SHISA6: variants seen among roughly 807,000 people sequenced by gnomAD.
The protein encoded by SHISA6 is shisa family member 6.
A neutral mutation model predicts 47.9 loss-of-function variants in SHISA6; 22 were observed. The ratio of observed to expected loss-of-function variants is 0.46; its 90% confidence interval spans 0.33 to 0.66. The LOEUF (loss-of-function observed/expected upper bound fraction) is 0.66, where lower values mean the gene tolerates loss of function less well. Ranked by LOEUF, SHISA6 falls within the 30% of genes least tolerant of loss-of-function variation. SHISA6 has a pLI of 0.02. For missense variants in SHISA6, 680 were observed against 764.6 expected, an observed-to-expected ratio of 0.89 and a Z score of 1.30; for synonymous variants, 388 against 337.8, an observed-to-expected ratio of 1.15 and a Z score of -1.63.
At chr17:11,264,370 A>G (rs1558219) in intron 2 of SHISA6, among the ~76,000 whole-genome samples, 106,588 of 152,172 alleles carry the variant, frequency 0.7, 44,020 homozygotes, top group South Asian at 0.9. Flanking sequence ...CCAAGGTCAC[A>G]TGATTAGTAA....
intron 2 of SHISA6, among the ~76,000 whole-genome samples, chr17:11,273,680 C>G (rs998761553): frequency 6.6e-6 from 1 of 152,116 alleles, no homozygotes; most frequent in African/African-American, 2.4e-5. Flanking sequence ...TAGGCAGTGT[C>G]CCCCTCCCAG....
chr17:11,378,452 G>A (rs924706544), intron 2 of SHISA6, among the ~76,000 whole-genome samples: 14 of 152,136 alleles, frequency 9.2e-5, no homozygotes, highest in African/African-American at 3.4e-4. Flanking sequence ...AAGTAGGCCT[G>A]TGCATTGTTA....
intron 3 of SHISA6, among the ~76,000 whole-genome samples, chr17:11,408,399 A>G (rs1021017168): frequency 2.6e-5 from 4 of 152,210 alleles, no homozygotes; most frequent in African/African-American, 9.6e-5. Context: ...GGGTGGGATC[A>G]GCAGTGTGTG....
chr17:11,347,787 G>T (rs925684227), intron 2 of SHISA6, among the ~76,000 whole-genome samples: 5 of 152,202 alleles, frequency 3.3e-5, no homozygotes, highest in Non-Finnish European at 7.3e-5. Context: ...ATCTAGGGGT[G>T]AGAGTGGTGC....
intron 3 of SHISA6, among the ~76,000 whole-genome samples, chr17:11,495,989 C>CCGTT (rs922941281): frequency 7.4e-6 from 1 of 135,604 alleles, no homozygotes; most frequent in Admixed American, 7.7e-5. Context: ...TTCTATTTAT[C>CCGTT]CATTCATCCA....
In SHISA6 at chr17:11,378,605, T is replaced by C. The variant is rs1169955463; in HGVS notation, c.800-809T>C. 2.6e-5 allele frequency among the ~76,000 whole-genome samples: 4 copies of C among 152,338 alleles called. No individual in the cohort carries two copies. The East Asian group carries it at 5.8e-4, about 22-fold the overall frequency. On this transcript the variant is annotated intron_variant, in intron 2 of 5. Coordinates refer to ENST00000441885, the MANE Select transcript of SHISA6 (RefSeq NM_207386.4). Reference sequence around the variant, plus strand: ...ATTTCAAGCGTACTGCAAAATCCTATTTTGAATGTCAGAAGTAGAACATTA... The same window carrying C: ...ATTTCAAGCGTACTGCAAAATCCTACTTTGAATGTCAGAAGTAGAACATTA...
intron 3 of SHISA6, among the ~76,000 whole-genome samples, chr17:11,521,116 T>G (rs2071625875): frequency 6.6e-6 from 1 of 152,194 alleles, no homozygotes; most frequent in Admixed American, 6.5e-5. Context: ...TCTGGTCATG[T>G]TCTAGAAATT....
At chr17:11,466,520 T>C (rs722117) in intron 3 of SHISA6, among the ~76,000 whole-genome samples, 40,397 of 152,010 alleles carry the variant, frequency 0.27, 5,545 homozygotes, top group Middle Eastern at 0.37. Context: ...TCCTCAGGGC[T>C]TACTGTTCAG....
At chr17:11,506,378 A>T (rs767756897) in intron 3 of SHISA6, among the ~76,000 whole-genome samples, 17 of 152,176 alleles carry the variant, frequency 1.1e-4, no homozygotes, top group Non-Finnish European at 2.4e-4. Flanking sequence ...TTTTCAATCC[A>T]GGTTGAATGA....
chr17:11,404,369 G>A (rs1221020122), intron 3 of SHISA6, among the ~76,000 whole-genome samples: 1 of 152,174 alleles, frequency 6.6e-6, no homozygotes, highest in African/African-American at 2.4e-5. Flanking sequence ...GGAGTGAGGG[G>A]GGAGACAGTC....
At chr17:11,299,873 C>T (rs544625226) in intron 2 of SHISA6, among the ~76,000 whole-genome samples, 73 of 152,036 alleles carry the variant, frequency 4.8e-4, no homozygotes, top group Non-Finnish European at 8.4e-4. Flanking sequence ...AGGTCAGGTG[C>T]GGTGGCTCAC....
chr17:11,538,685 A>G (rs1200247127), intron 3 of SHISA6, among the ~76,000 whole-genome samples: 3 of 152,150 alleles, frequency 2.0e-5, no homozygotes, highest in African/African-American at 4.8e-5. Context: ...TATGGGGTGG[A>G]ACGAAGGCCC....
At chr17:11,395,807 C>T (rs1001047558) in intron 3 of SHISA6, among the ~76,000 whole-genome samples, 14 of 152,120 alleles carry the variant, frequency 9.2e-5, no homozygotes, top group South Asian at 4.1e-4. Flanking sequence ...CCTGAACCAC[C>T]GTGCCCGGCC....
intron 2 of SHISA6, among the ~76,000 whole-genome samples, chr17:11,303,104 C>T (rs1163638250): frequency 6.6e-6 from 1 of 152,152 alleles, no homozygotes; most frequent in African/African-American, 2.4e-5. Flanking sequence ...TTGTGTGATA[C>T]ATACACAATT....
In SHISA6 at chr17:11,420,659, G is replaced by A. The variant is rs997452179; in HGVS notation, c.895+41150G>A. Among the ~76,000 whole-genome samples, 8 of 152,286 alleles carry A rather than the reference G, an allele frequency of 5.3e-5. No homozygotes were observed. In the East Asian group the frequency reaches 1.2e-3, roughly 22 times the overall value. ...CACGCCACAGGAAGGGTGAGGTTGGGCACCGCTGTTCCAATAGCTGGCCCC... is the reference window on the plus strand; with the variant it reads ...CACGCCACAGGAAGGGTGAGGTTGGACACCGCTGTTCCAATAGCTGGCCCC... On this transcript the variant is annotated intron_variant, in intron 3 of 5. Coordinates refer to ENST00000441885, the MANE Select transcript of SHISA6 (RefSeq NM_207386.4).
intron 1 of SHISA6, among the ~76,000 whole-genome samples, chr17:11,256,069 C>T (rs1907995995): frequency 1.3e-5 from 2 of 152,194 alleles, no homozygotes; most frequent in Admixed American, 6.5e-5. Flanking sequence ...AAGTAGCTTG[C>T]TAACAACCGC....
At chr17:11,353,234 G>A (rs1181053461) in intron 2 of SHISA6, among the ~76,000 whole-genome samples, 2 of 152,104 alleles carry the variant, frequency 1.3e-5, no homozygotes, top group Non-Finnish European at 2.9e-5. Context: ...CGAGGCTGGC[G>A]GATCACGAGG....
At chr17:11,423,278 CAT>C (rs1323778327) in intron 3 of SHISA6, among the ~76,000 whole-genome samples, 4 of 144,604 alleles carry the variant, frequency 2.8e-5, no homozygotes, top group Admixed American at 2.1e-4. Context: ...ATGGCAGTAA[CAT>C]ATATATATGC....
chr17:11,259,882 A>C (rs988872384), intron 1 of SHISA6, among the ~76,000 whole-genome samples: 1 of 152,222 alleles, frequency 6.6e-6, no homozygotes, highest in African/African-American at 2.4e-5. Flanking sequence ...GCCCGGGCTC[A>C]AGTCAGAAGC....
Sources: gnomAD v4.1 joint callset for allele counts (sites outside exome capture counted in the v4.1 genomes callset) on GRCh38, gnomAD v4.1.1 for gene constraint, MANE v1.5 for transcripts, NCBI Gene and HGNC (gene_info 2026-07-23, HGNC 2026-07-21) for gene names.